LAMA3: variants seen among roughly 807,000 people sequenced by gnomAD.
LAMA3 encodes laminin subunit alpha 3, also known as laminin subunit alpha-3.
Under a neutral mutation model 402.0 loss-of-function variants are expected in LAMA3, and 281 were observed. The observed-to-expected ratio is 0.70, with a 90% CI of 0.63 to 0.77. The LOEUF (loss-of-function observed/expected upper bound fraction) is 0.77. Among genes scored for constraint, LAMA3 ranks in the 30% least tolerant of loss-of-function variants. The pLI, the probability that LAMA3 is intolerant of heterozygous loss-of-function variation, is 0.00. For missense variants in LAMA3, 3,840 were observed against 4,215.5 expected, an observed-to-expected ratio of 0.91 and a Z score of 2.47; for synonymous variants, 1,431 against 1,558.4, an observed-to-expected ratio of 0.92 and a Z score of 1.93.
intron 1 of LAMA3, chr18:23,710,361 T>C: frequency 2.6e-6 from 1 of 386,160 alleles, no homozygotes; most frequent in South Asian, 2.7e-5. Context: ...CCCACGAGGT[T>C]ATCTTCTCTC....
At chr18:23,821,247 C>A (rs554030163) in intron 19 of LAMA3, among the ~76,000 whole-genome samples, 1 of 152,312 alleles carries the variant, frequency 6.6e-6, no homozygotes, top group Non-Finnish European at 1.5e-5. Flanking sequence ...CTTTACTCTG[C>A]TCCTAATAGA....
At chr18:23,774,621 A>T (rs1268221346) in intron 9 of LAMA3, among the ~76,000 whole-genome samples, 2 of 152,152 alleles carry the variant, frequency 1.3e-5, no homozygotes, top group East Asian at 1.9e-4. Flanking sequence ...TTTTCCCTAC[A>T]TGTGCAACCT....
At position 23,921,436 on chromosome 18, in the gene LAMA3, C is replaced by A. The variant is rs1304937709; in HGVS notation, c.8044-16C>A. 7 of 1,611,148 alleles carry A rather than the reference C, an allele frequency of 4.3e-6. No individual in the cohort carries two copies. Among genetic ancestry groups the A allele is most frequent in the Non-Finnish European group, 5.1e-6 (6 of 1,178,896 alleles). On this transcript the variant is annotated splice_polypyrimidine_tract_variant and intron_variant, in intron 61 of 74. Coordinates refer to ENST00000313654, the MANE Select transcript of LAMA3 (RefSeq NM_198129.4). ...TATTTTCGCTGGCTTGCTGATTCAT[C>A]TCTCATTTATTTCAGATTCAGATCA...
chr18:23,907,855 A>T lies in LAMA3; in HGVS notation c.6935A>T (p.Asp2312Val), dbSNP rs2081299871. ...VLDGLNPIQTDVERIKDTYGR... is the reference protein window; with the variant it reads ...VLDGLNPIQTVVERIKDTYGR... ...GATGGGCTCAACCCCATCCAGACAG[A>T]TGTGGAAAGAATTAAGGACACCTAT... The change falls in exon 54 of 75, where the codon GAT (aspartate) becomes GTT (valine). Residue 2312 changes from aspartate to valine, a missense_variant. Coordinates refer to ENST00000313654, the MANE Select transcript of LAMA3 (RefSeq NM_198129.4). 5 of 1,614,188 alleles carry T rather than the reference A, an allele frequency of 3.1e-6. No homozygotes were observed. Among genetic ancestry groups the T allele is most frequent in the Non-Finnish European group, 3.4e-6 (4 of 1,180,028 alleles).
intron 37 of LAMA3, 47 bp from the exon 38 acceptor site, chr18:23,871,384 A>G (rs1430663496): frequency 1.3e-6 from 2 of 1,532,414 alleles, no homozygotes. Context: ...AACCCCTGGA[A>G]GTGAGCCTGC....
intron 39 of LAMA3, among the ~76,000 whole-genome samples, chr18:23,880,230 T>A (rs533703564): frequency 6.6e-6 from 1 of 152,116 alleles, no homozygotes; most frequent in Non-Finnish European, 1.5e-5. Context: ...CATAGTGCAG[T>A]GAGATTTGGG....
chr18:23,766,746 T>C (rs1415748131), intron 8 of LAMA3, among the ~76,000 whole-genome samples: 1 of 151,520 alleles, frequency 6.6e-6, no homozygotes, highest in East Asian at 1.9e-4. Context: ...GGCTGAGGCA[T>C]GAGAATCACT....
intron 8 of LAMA3, among the ~76,000 whole-genome samples, chr18:23,773,071 C>T (rs1232642717): frequency 6.6e-6 from 1 of 152,212 alleles, no homozygotes; most frequent in Non-Finnish European, 1.5e-5. Flanking sequence ...ATATGTTATT[C>T]CTTCCAAAAT....
At chr18:23,886,692 C>T (rs2065085303) in intron 41 of LAMA3, among the ~76,000 whole-genome samples, 1 of 151,988 alleles carries the variant, frequency 6.6e-6, no homozygotes, top group Admixed American at 6.5e-5. Context: ...TTTGTTTAAA[C>T]TTTAAAAGAG....
chr18:23,833,831 G>C lies in LAMA3; in HGVS notation c.2827G>C (p.Glu943Gln). The C allele has an allele frequency of 6.2e-7, 1 of 1,612,884 alleles. No individual in the cohort carries two copies. The highest frequency in any genetic ancestry group is 8.5e-7 in the Non-Finnish European group (1 of 1,180,016). ...VMVDLSGREV[E>Q]LHLRLRIPQV... ...GTCTGCTTGGCCTCTGTGACAGGTG[G>C]AATTGCATCTGCGGCTGCGCATCCC... Residue 943 changes from glutamate (E) to glutamine (Q), a missense_variant, in exon 24 of 75, where the codon GAA becomes CAA. This residue lies in a region of LAMA3 where 2,109 missense variants were observed against 2,376.0 expected (regional missense o/e 0.89). Coordinates refer to ENST00000313654, the MANE Select transcript of LAMA3 (RefSeq NM_198129.4).
chr18:23,702,659 C>G (rs2060812115), intron 1 of LAMA3, among the ~76,000 whole-genome samples: 1 of 152,212 alleles, frequency 6.6e-6, no homozygotes, highest in African/African-American at 2.4e-5. Flanking sequence ...TTGTGTCTGA[C>G]TCACAGGCTG....
intron 12 of LAMA3, among the ~76,000 whole-genome samples, chr18:23,791,402 TG>T (rs1187194491): frequency 1.3e-5 from 2 of 151,886 alleles, no homozygotes; most frequent in Non-Finnish European, 2.9e-5. Flanking sequence ...GGATCTTTTG[TG>T]GGGGGAAAAA....
At chr18:23,827,849 C>T (rs1449055080) in intron 23 of LAMA3, among the ~76,000 whole-genome samples, 1 of 152,150 alleles carries the variant, frequency 6.6e-6, no homozygotes, top group South Asian at 2.1e-4. Context: ...TAAAAGGATA[C>T]CACACTCACT....
chr18:23,914,351 G>A, intron 56 of LAMA3, 59 bp from the exon 57 acceptor site: 1 of 1,587,964 alleles, frequency 6.3e-7, no homozygotes, highest in South Asian at 1.1e-5. Flanking sequence ...TCATCCTCTT[G>A]GGATGGGAAT....
intron 22 of LAMA3, among the ~76,000 whole-genome samples, chr18:23,827,034 A>G (rs530866218): frequency 6.6e-6 from 1 of 152,358 alleles, no homozygotes; most frequent in Non-Finnish European, 1.5e-5. Flanking sequence ...GGGAATGTTG[A>G]TGCATGCCCA....
intron 1 of LAMA3, among the ~76,000 whole-genome samples, chr18:23,712,323 G>A (rs2145903095): frequency 6.7e-6 from 1 of 148,870 alleles, no homozygotes; most frequent in South Asian, 2.1e-4. Flanking sequence ...AGGTTGCGGT[G>A]AGCTGAGATC....
rs1377330730 is a variant in LAMA3, at chr18:23,839,742, G to A, written c.3192-43G>A. ...CACTGATGGTCAGTTCTGTAGCTTT[G>A]GGTTCTTTTAAAAATCAGATTTTTA... On this transcript the variant is annotated intron_variant, in intron 26 of 74. Transcript: ENST00000313654. This position sits in a 1 kb window ranked among gnomAD's most constrained non-coding sequence, Gnocchi z 4.5. The A allele has an allele frequency of 1.9e-6, 3 of 1,609,154 alleles. No homozygotes were observed.
At chr18:23,750,766 T>G in intron 4 of LAMA3, 152 bp from the exon 5 acceptor site, 1 of 754,514 alleles carries the variant, frequency 1.3e-6, no homozygotes, top group Non-Finnish European at 2.3e-6. Context: ...AATGATGTTT[T>G]TAGACATAAA....
At chr18:23,899,625 G>A (rs893074958) in intron 47 of LAMA3, 170 bp downstream of exon 47, 16 of 674,444 alleles carry the variant, frequency 2.4e-5, no homozygotes, top group Middle Eastern at 3.5e-4. Flanking sequence ...GGAGTCCCAG[G>A]TTACCAACGG....
Sources: allele counts gnomAD v4.1 joint callset (sites outside exome capture counted in the v4.1 genomes callset), GRCh38; gene constraint gnomAD v4.1.1; regional missense constraint gnomAD v4.1.1; non-coding constraint Gnocchi (gnomAD v3.1); transcripts MANE v1.5; gene names NCBI Gene and HGNC (gene_info 2026-07-23, HGNC 2026-07-21).